The following AFG2A variants were observed in gnomAD, a reference collection of about 807,000 sequenced individuals.
AFG2A encodes AAA ATPase AFG2A.
chr4:123,032,551 G>A, the AFG2A span, among the ~76,000 whole-genome samples: 1 of 151,996 alleles, frequency 6.6e-6, no homozygotes, highest in Admixed American at 6.6e-5. Context: ...AAGTATCTGG[G>A]GTTACAGGCA....
the AFG2A span, among the ~76,000 whole-genome samples, chr4:122,963,873 C>T: frequency 6.6e-6 from 1 of 152,034 alleles, no homozygotes; most frequent in East Asian, 1.9e-4. Flanking sequence ...TATAGTTAGT[C>T]CTCCCTCCTT....
the AFG2A span, among the ~76,000 whole-genome samples, chr4:123,252,554 C>G: frequency 1.3e-5 from 2 of 152,054 alleles, no homozygotes; most frequent in Admixed American, 1.3e-4. Context: ...ATCTTTATTC[C>G]TCTTTAAATT....
chr4:122,966,623 T>C, the AFG2A span, among the ~76,000 whole-genome samples: 2 of 152,206 alleles, frequency 1.3e-5, no homozygotes, highest in African/African-American at 2.4e-5. Context: ...TATGTTTCAG[T>C]TTTTCATTTG....
chr4:122,986,796 G>A, the AFG2A span, among the ~76,000 whole-genome samples: 530 of 152,100 alleles, frequency 3.5e-3, 3 homozygotes, highest in Middle Eastern at 0.014. Context: ...TGTATTCTGC[G>A]GCCATTGGTT....
At chr4:123,166,242 A>G in the AFG2A span, among the ~76,000 whole-genome samples, 1 of 152,194 alleles carries the variant, frequency 6.6e-6, no homozygotes, top group African/African-American at 2.4e-5. Context: ...GGCACAATCT[A>G]ATCAGCTTCA....
chr4:123,205,671 C>A, the AFG2A span, among the ~76,000 whole-genome samples: 1 of 152,014 alleles, frequency 6.6e-6, no homozygotes, highest in South Asian at 2.1e-4. Context: ...AATTTGGTAT[C>A]CTGGTGGGGG....
the AFG2A span, among the ~76,000 whole-genome samples, chr4:123,084,734 T>G: frequency 1.3e-5 from 2 of 151,802 alleles, no homozygotes; most frequent in Non-Finnish European, 2.9e-5. Flanking sequence ...GCTCGAGTGA[T>G]CCTCCTGTCT....
chr4:123,134,927 T>C, the AFG2A span, among the ~76,000 whole-genome samples: 2 of 151,978 alleles, frequency 1.3e-5, no homozygotes, highest in Non-Finnish European at 2.9e-5. Context: ...AGAATCACCC[T>C]CTTACCAAAG....
chr4:123,302,896 G>C, the AFG2A span, among the ~76,000 whole-genome samples: 1 of 152,150 alleles, frequency 6.6e-6, no homozygotes, highest in African/African-American at 2.4e-5. Flanking sequence ...ATGAGCCAGT[G>C]CTTTTGCACA....
the AFG2A span, among the ~76,000 whole-genome samples, chr4:123,018,207 T>C: frequency 6.6e-6 from 1 of 152,188 alleles, no homozygotes; most frequent in African/African-American, 2.4e-5. Flanking sequence ...CTGTGCTTGT[T>C]TGACAGCTGT....
the AFG2A span, among the ~76,000 whole-genome samples, chr4:123,098,281 ATGT>A: frequency 4.6e-5 from 7 of 152,020 alleles, no homozygotes; most frequent in Non-Finnish European, 8.8e-5. Flanking sequence ...AGAGTACAAC[ATGT>A]TGTTTTGATA....
At chr4:123,314,406 A>T in the AFG2A span, 3 of 159,750 alleles carry the variant, frequency 1.9e-5, no homozygotes, top group African/African-American at 7.2e-5. Flanking sequence ...ACATGTTGGC[A>T]TCAATTTTAT....
the AFG2A span, among the ~76,000 whole-genome samples, chr4:122,964,716 A>C: frequency 6.6e-6 from 1 of 152,158 alleles, no homozygotes; most frequent in Non-Finnish European, 1.5e-5. Flanking sequence ...CTTTAAAAGC[A>C]ACTTTTGAAA....
chr4:123,193,662 G>T, the AFG2A span, among the ~76,000 whole-genome samples: 5 of 152,138 alleles, frequency 3.3e-5, no homozygotes, highest in East Asian at 9.6e-4. Flanking sequence ...GAGTAAAAGC[G>T]AAGAAGATGT....
At chr4:123,224,487 T>G in the AFG2A span, among the ~76,000 whole-genome samples, 1 of 152,206 alleles carries the variant, frequency 6.6e-6, no homozygotes, top group Non-Finnish European at 1.5e-5. Context: ...TGCGATAGTT[T>G]GCTGAGAATG....
chr4:123,167,262 G>A, the AFG2A span, among the ~76,000 whole-genome samples: 7 of 149,310 alleles, frequency 4.7e-5, no homozygotes, highest in African/African-American at 1.7e-4. Flanking sequence ...TTATATGTAG[G>A]TATCTATATA....
the AFG2A span, among the ~76,000 whole-genome samples, chr4:123,250,091 C>CA: frequency 6.6e-6 from 1 of 151,990 alleles, no homozygotes; most frequent in Admixed American, 6.6e-5. Flanking sequence ...GAATGGGAGC[C>CA]AATGGGACCT....
chr4:123,007,694 G>C, the AFG2A span, among the ~76,000 whole-genome samples: 1 of 144,032 alleles, frequency 6.9e-6, no homozygotes, highest in Non-Finnish European at 1.5e-5. Context: ...AAATTTTAAA[G>C]GTTTTCTCCC....
chr4:123,189,809 CTTTTTTTTTTTT>C, the AFG2A span, among the ~76,000 whole-genome samples: 317 of 61,818 alleles, frequency 5.1e-3, 3 homozygotes, highest in Middle Eastern at 0.026. Flanking sequence ...AGGTCATTTG[CTTTTTTTTTTTT>C]TTTTTTTTTT....
Sources: allele counts gnomAD v4.1 joint callset (sites outside exome capture counted in the v4.1 genomes callset), GRCh38; gene constraint gnomAD v4.1.1; transcripts MANE v1.5; gene names NCBI Gene and HGNC (gene_info 2026-07-23, HGNC 2026-07-21).